SLC9A9: variants seen among roughly 807,000 people sequenced by gnomAD.
The protein encoded by SLC9A9 is sodium/hydrogen exchanger 9.
In SLC9A9, 62 loss-of-function variants were observed where a neutral mutation model predicts 77.8. That is an observed-to-expected ratio of 0.80 (90% CI 0.65 to 0.98). The LOEUF (loss-of-function observed/expected upper bound fraction) is 0.98. SLC9A9 is among the 50% of genes least tolerant of loss of function. The pLI is 0.00. For missense variants in SLC9A9, 775 were observed against 774.9 expected, an observed-to-expected ratio of 1.00 and a Z score of 0.00; for synonymous variants, 320 against 283.5, an observed-to-expected ratio of 1.13 and a Z score of -1.29.
At chr3:143,653,891 C>G (rs1017498173) in intron 5 of SLC9A9, among the ~76,000 whole-genome samples, 1 of 152,152 alleles carries the variant, frequency 6.6e-6, no homozygotes, top group Non-Finnish European at 1.5e-5. Flanking sequence ...CTGTGTGCCA[C>G]AAGCCCTTAG....
intron 12 of SLC9A9, among the ~76,000 whole-genome samples, chr3:143,463,101 T>G (rs193086262): frequency 3.9e-4 from 60 of 152,282 alleles, no homozygotes; most frequent in Admixed American, 3.9e-3. Flanking sequence ...TGGTAGAGTG[T>G]TTAGAGGTCA....
chr3:143,545,175 T>G (rs918145863), intron 9 of SLC9A9, among the ~76,000 whole-genome samples: 1 of 152,196 alleles, frequency 6.6e-6, no homozygotes, highest in African/African-American at 2.4e-5. Flanking sequence ...TTTTGCATAC[T>G]CTATTCTTTT....
At chr3:143,834,266 C>T (rs1007975209) in intron 1 of SLC9A9, among the ~76,000 whole-genome samples, 3 of 152,182 alleles carry the variant, frequency 2.0e-5, no homozygotes, top group African/African-American at 7.2e-5. Context: ...CACCACAGCA[C>T]AGTAGGCAAC....
At chr3:143,846,759 G>GT (rs1403264371) in intron 1 of SLC9A9, among the ~76,000 whole-genome samples, 7 of 142,154 alleles carry the variant, frequency 4.9e-5, no homozygotes, top group South Asian at 4.3e-4. Flanking sequence ...TTTGGGTTAT[G>GT]TTTTTTTTCT....
intron 12 of SLC9A9, among the ~76,000 whole-genome samples, chr3:143,458,996 G>C (rs1027533006): frequency 6.6e-5 from 10 of 151,964 alleles, no homozygotes; most frequent in Non-Finnish European, 1.5e-4. Context: ...CAAGTTCACG[G>C]AATCTTTCAT....
chr3:143,714,918 T>G (rs1934294115), intron 4 of SLC9A9, among the ~76,000 whole-genome samples: 1 of 152,112 alleles, frequency 6.6e-6, no homozygotes, highest in African/African-American at 2.4e-5. Context: ...AATTGAATCA[T>G]GGGGGCAGGT....
At chr3:143,646,159 T>A (rs2108743135) in intron 6 of SLC9A9, among the ~76,000 whole-genome samples, 1 of 152,090 alleles carries the variant, frequency 6.6e-6, no homozygotes, top group East Asian at 1.9e-4. Flanking sequence ...TTGCTCTATT[T>A]TGGTAAATAT....
At chr3:143,538,715 C>A (rs1009645413) in intron 9 of SLC9A9, among the ~76,000 whole-genome samples, 1 of 152,064 alleles carries the variant, frequency 6.6e-6, no homozygotes, top group Non-Finnish European at 1.5e-5. Flanking sequence ...GTTATAGGCC[C>A]CCATACTATA....
chr3:143,291,866 CA>C (rs1404579965), intron 14 of SLC9A9, among the ~76,000 whole-genome samples: 1 of 152,164 alleles, frequency 6.6e-6, no homozygotes, highest in Non-Finnish European at 1.5e-5. Flanking sequence ...AAAAGAGGAG[CA>C]AAGTCAGGAA....
intron 12 of SLC9A9, among the ~76,000 whole-genome samples, chr3:143,402,137 A>G (rs2033876163): frequency 6.6e-6 from 1 of 152,210 alleles, no homozygotes; most frequent in South Asian, 2.1e-4. Flanking sequence ...ACCCACAAAG[A>G]TTAGCTAATT....
At chr3:143,408,179 T>C (rs2034020557) in intron 12 of SLC9A9, among the ~76,000 whole-genome samples, 1 of 152,360 alleles carries the variant, frequency 6.6e-6, no homozygotes, top group African/African-American at 2.4e-5. Flanking sequence ...CCTATCTTTA[T>C]AGTTACATTG....
chr3:143,307,436 G>A (rs1578280557), intron 14 of SLC9A9, among the ~76,000 whole-genome samples: 3 of 152,250 alleles, frequency 2.0e-5, no homozygotes, highest in Non-Finnish European at 2.9e-5. Flanking sequence ...ATGATCTCTT[G>A]ACAATGATCT....
chr3:143,300,026 C>T (rs1000681786), intron 14 of SLC9A9, among the ~76,000 whole-genome samples: 1 of 152,216 alleles, frequency 6.6e-6, no homozygotes, highest in Non-Finnish European at 1.5e-5. Context: ...GTGGCCATCC[C>T]AGACTCTATG....
At chr3:143,285,917 T>A (rs1938367809) in intron 14 of SLC9A9, among the ~76,000 whole-genome samples, 1 of 152,114 alleles carries the variant, frequency 6.6e-6, no homozygotes, top group African/African-American at 2.4e-5. Flanking sequence ...CTATTAAAGT[T>A]TTGAGGAGGT....
intron 12 of SLC9A9, among the ~76,000 whole-genome samples, chr3:143,409,761 G>A (rs1044772367): frequency 1.3e-5 from 2 of 152,194 alleles, no homozygotes; most frequent in Non-Finnish European, 2.9e-5. Flanking sequence ...AAGCAAGAAC[G>A]TTTGTTAGCA....
At chr3:143,687,034 T>C (rs1163083550) in intron 5 of SLC9A9, among the ~76,000 whole-genome samples, 1 of 152,110 alleles carries the variant, frequency 6.6e-6, no homozygotes, top group African/African-American at 2.4e-5. Flanking sequence ...TGTCCACTTG[T>C]TAAGTGCTGA....
chr3:143,588,424 T>C (rs1174375516), intron 6 of SLC9A9, among the ~76,000 whole-genome samples: 2 of 152,184 alleles, frequency 1.3e-5, no homozygotes, highest in Non-Finnish European at 2.9e-5. Flanking sequence ...AGGTTGATGA[T>C]GACATCAAGA....
At chr3:143,763,934 A>G (rs114188214) in intron 4 of SLC9A9, among the ~76,000 whole-genome samples, 2 of 152,218 alleles carry the variant, frequency 1.3e-5, no homozygotes, top group African/African-American at 4.8e-5. Flanking sequence ...TTTAACTAGG[A>G]GAATCCATAT....
chr3:143,391,950 G>A (rs1454236362), intron 12 of SLC9A9, among the ~76,000 whole-genome samples: 1 of 152,204 alleles, frequency 6.6e-6, no homozygotes, highest in Non-Finnish European at 1.5e-5. Context: ...ATGGGACTGT[G>A]TGAAAAGACC....
Sources: gnomAD v4.1 joint callset for allele counts (sites outside exome capture counted in the v4.1 genomes callset) on GRCh38, gnomAD v4.1.1 for gene constraint, MANE v1.5 for transcripts, NCBI Gene and HGNC (gene_info 2026-07-23, HGNC 2026-07-21) for gene names.